The following MTHFD2L variants were observed in gnomAD, a reference collection of about 807,000 sequenced individuals.
The protein encoded by MTHFD2L is methylenetetrahydrofolate dehydrogenase (NADP+ dependent) 2 like.
In MTHFD2L, 29 loss-of-function variants were observed where a neutral mutation model predicts 34.9. The ratio of observed to expected loss-of-function variants is 0.83; its 90% CI spans 0.62 to 1.13. The LOEUF is 1.13. Ranked by LOEUF, MTHFD2L falls within the 50% of genes most tolerant of loss-of-function variation. The pLI, the probability that MTHFD2L is intolerant of heterozygous loss-of-function variation, is 0.00. For missense variants in MTHFD2L, 481 were observed against 446.5 expected, an observed-to-expected ratio of 1.08 and a Z score of -0.70; for synonymous variants, 167 against 155.7, an observed-to-expected ratio of 1.07 and a Z score of -0.54.
intron 3 of MTHFD2L, among the ~76,000 whole-genome samples, chr4:74,185,833 A>G (rs1158915922): frequency 6.6e-6 from 1 of 152,180 alleles, no homozygotes; most frequent in Non-Finnish European, 1.5e-5. Context: ...TTTACCAAAT[A>G]TTTAAGGAAG....
chr4:74,281,489 C>G lies in MTHFD2L; in HGVS notation c.870C>G (p.Ile290Met). The stretch of plus-strand genomic sequence containing the variant: ...GTGCTGCTGTAATTGATGTGGGTAT[C>G]AACTATGTCCACGATCCAGTGACAG... ...KEGAAVIDVG[I>M]NYVHDPVTGK... Residue 290 changes from isoleucine to methionine, a missense_variant, in exon 7 of 8, where the codon ATC becomes ATG. By Grantham distance (10) the Ile-to-Met change is conservative. Transcript: ENST00000325278. 6.2e-7 allele frequency: 1 copy of G among 1,612,596 alleles called. No individual in the cohort carries two copies.
Position 74,281,444 on chromosome 4 carries a change from G to A in MTHFD2L, c.825G>A (p.Thr275=), listed in dbSNP as rs769338994. The change falls in exon 7 of 8, where the codon ACG becomes ACA. Residue 275 remains threonine (T), a synonymous_variant. Coordinates refer to ENST00000325278, the MANE Select transcript of MTHFD2L (RefSeq NM_001144978.3). The part of the protein sequence containing the change: ...IVAAGIPKLI[T]SDMVKEGAAV... ...TTTCAGGTATTCCAAAGTTGATTACGTCTGATATGGTTAAAGAAGGTGCTG... is the reference window on the plus strand; with the variant it reads ...TTTCAGGTATTCCAAAGTTGATTACATCTGATATGGTTAAAGAAGGTGCTG... 1.1e-4 allele frequency: 176 copies of A among 1,612,070 alleles called. No homozygotes were observed. The highest frequency in any genetic ancestry group is 1.4e-4 in the Non-Finnish European group (163 of 1,178,940).
At chr4:74,130,823 T>C (rs1179850724) in intron 1 of MTHFD2L, among the ~76,000 whole-genome samples, 1 of 152,194 alleles carries the variant, frequency 6.6e-6, no homozygotes. Flanking sequence ...GACATGATTA[T>C]ATATTCAGAA....
intron 3 of MTHFD2L, among the ~76,000 whole-genome samples, chr4:74,189,403 G>T (rs1221839478): frequency 6.6e-6 from 1 of 151,300 alleles, no homozygotes; most frequent in Admixed American, 6.6e-5. Context: ...TGAGCAAGGG[G>T]AAGAAAAGTG....
chr4:74,259,586 T>G (rs1215510940), intron 6 of MTHFD2L, among the ~76,000 whole-genome samples: 1 of 152,196 alleles, frequency 6.6e-6, no homozygotes, highest in Non-Finnish European at 1.5e-5. Flanking sequence ...CCCATAGTTC[T>G]TCCTAAGAGA....
At chr4:74,140,850 G>A (rs1359214500) in intron 1 of MTHFD2L, among the ~76,000 whole-genome samples, 2 of 152,106 alleles carry the variant, frequency 1.3e-5, no homozygotes, top group Non-Finnish European at 2.9e-5. Context: ...GAACAGGATG[G>A]GGTAAACTGC....
intron 5 of MTHFD2L, among the ~76,000 whole-genome samples, chr4:74,208,587 TG>T (rs1406110526): frequency 1.3e-5 from 2 of 152,146 alleles, no homozygotes; most frequent in Non-Finnish European, 2.9e-5. Flanking sequence ...ATTAGGTTTG[TG>T]GACACATAAA....
At chr4:74,124,175 G>C (rs1037740006), upstream of MTHFD2L, among the ~76,000 whole-genome samples, 2 of 151,860 alleles carry the variant, frequency 1.3e-5, no homozygotes, top group African/African-American at 4.8e-5. Context: ...GAAGAGTTTT[G>C]ATGGGCCCTA....
chr4:74,127,118 G>A (rs537946293), intron 1 of MTHFD2L, among the ~76,000 whole-genome samples: 4 of 152,214 alleles, frequency 2.6e-5, no homozygotes, highest in South Asian at 2.1e-4. Context: ...CGGCCCTGCC[G>A]AACTGTGAGT....
intron 5 of MTHFD2L, among the ~76,000 whole-genome samples, chr4:74,223,824 T>C (rs1204104128): frequency 6.6e-6 from 1 of 152,078 alleles, no homozygotes; most frequent in Non-Finnish European, 1.5e-5. Context: ...TTGCATATGG[T>C]AAAATTTACT....
chr4:74,195,352 T>C (rs1050955424), intron 3 of MTHFD2L: 2 of 152,204 alleles, frequency 1.3e-5, no homozygotes, highest in African/African-American at 4.8e-5. Flanking sequence ...TGTGAATAAA[T>C]TGTATGGTTG....
intron 3 of MTHFD2L, chr4:74,194,011 A>G (rs1453399721): frequency 6.6e-6 from 1 of 152,144 alleles, no homozygotes; most frequent in African/African-American, 2.4e-5. Context: ...GTATTTCACT[A>G]TTAAGTAGGA....
intron 2 of MTHFD2L, 39 bp from the exon 3 acceptor site, chr4:74,175,242 A>G (rs1229654215): frequency 5.6e-6 from 9 of 1,599,608 alleles, no homozygotes; most frequent in Non-Finnish European, 2.6e-6. Context: ...AACCATATTC[A>G]GTTAGTCAAG....
chr4:74,175,020 T>C (rs978752432), intron 2 of MTHFD2L, among the ~76,000 whole-genome samples: 1 of 152,176 alleles, frequency 6.6e-6, no homozygotes, highest in Non-Finnish European at 1.5e-5. Flanking sequence ...AGTTGCATGG[T>C]AGTGATATTT....
intron 1 of MTHFD2L, among the ~76,000 whole-genome samples, chr4:74,140,886 G>A (rs965255767): frequency 6.6e-6 from 1 of 152,246 alleles, no homozygotes; most frequent in African/African-American, 2.4e-5. Flanking sequence ...TTCTTTTCCT[G>A]GTTCCTCCCA....
chr4:74,175,387 TCAGTTACCACTAC>T lies in MTHFD2L; in HGVS notation c.439_451del (p.Leu147ThrfsTer18), dbSNP rs1323031824. ...ACCCAAGAGTCAGCGGTATATTAGT[TCAGTTACCACTAC>T]CAGGTACATAATGCTCCTCTTATTT... On this transcript the variant is annotated frameshift_variant, in exon 3 of 8. Coordinates refer to ENST00000325278, the MANE Select transcript of MTHFD2L (RefSeq NM_001144978.3). LOFTEE classifies it high-confidence loss of function. 1.2e-6 allele frequency: 2 copies of T among 1,611,554 alleles called. No individual in the cohort carries two copies. The highest frequency in any genetic ancestry group is 2.7e-5 in the African/African-American group (2 of 74,818).
At chr4:74,211,920 G>A (rs1403678008) in intron 5 of MTHFD2L, among the ~76,000 whole-genome samples, 1 of 152,006 alleles carries the variant, frequency 6.6e-6, no homozygotes, top group Non-Finnish European at 1.5e-5. Flanking sequence ...TTGGGAGGGT[G>A]TATGTGTCCA....
Position 74,269,551 on chromosome 4 carries a change from T to C in MTHFD2L, c.806-11874T>C, listed in dbSNP as rs553146496. ...ATACTTGTAATGCATAACAAATACATTATATATAATAATAAATAATGTATA... is the reference window on the plus strand; with the variant it reads ...ATACTTGTAATGCATAACAAATACACTATATATAATAATAAATAATGTATA... On this transcript the variant is annotated intron_variant, in intron 6 of 7. Coordinates refer to ENST00000325278, the MANE Select transcript of MTHFD2L (RefSeq NM_001144978.3). Among the ~76,000 whole-genome samples, 10 of 151,820 alleles carry C rather than the reference T, an allele frequency of 6.6e-5. No individual in the cohort carries two copies. In the South Asian group the frequency reaches 1.9e-3, roughly 28 times the overall value.
chr4:74,206,254 A>G lies in MTHFD2L; in HGVS notation c.712+4884A>G, dbSNP rs576566282. 4.6e-5 allele frequency among the ~76,000 whole-genome samples: 7 copies of G among 152,186 alleles called. No individual in the cohort carries two copies. The East Asian group carries it at 1.4e-3, about 29-fold the overall frequency. On this transcript the variant is annotated intron_variant, in intron 5 of 7. Coordinates refer to ENST00000325278, the MANE Select transcript of MTHFD2L (RefSeq NM_001144978.3). The stretch of plus-strand genomic sequence containing the variant: ...GAAAACTTGATAAAGAAGGCATGTA[A>G]GAATTGGGTGGAGTAAATGTCTGTG...
Sources: gnomAD v4.1 joint callset for allele counts (sites outside exome capture counted in the v4.1 genomes callset) on GRCh38, gnomAD v4.1.1 for gene constraint, MANE v1.5 for transcripts, NCBI Gene and HGNC (gene_info 2026-07-23, HGNC 2026-07-21) for gene names.